DUSP10: variants seen among roughly 807,000 people sequenced by gnomAD.
DUSP10 encodes dual specificity protein phosphatase 10.
In DUSP10, 14 loss-of-function variants were observed where a neutral mutation model predicts 30.8. The ratio of observed to expected loss-of-function variants is 0.46; its 90% CI spans 0.30 to 0.71. The LOEUF (loss-of-function observed/expected upper bound fraction) is 0.71. Ranked by LOEUF, DUSP10 falls within the 30% of genes least tolerant of loss-of-function variation. DUSP10 has a pLI of 0.08. For synonymous variants in DUSP10, 254 were observed against 250.4 expected (o/e 1.01, Z -0.14); for missense variants, 550 against 619.4 (o/e 0.89, Z 1.19).
chr1:221,704,797 T>C (rs1519463), intron 3 of DUSP10, among the ~76,000 whole-genome samples: 58,123 of 151,946 alleles, frequency 0.38, 12,735 homozygotes, highest in South Asian at 0.56. Context: ...CCTTTCAGAC[T>C]CAATATTCCA....
rs12564488 is a variant in DUSP10, at chr1:221,730,998, G to A, written c.811+7936C>T. ...GATTACATCAATTTTAATATAAAATGTATATTTTTAAATCTTTTATAATGA... is the reference window on the plus strand; with the variant it reads ...GATTACATCAATTTTAATATAAAATATATATTTTTAAATCTTTTATAATGA... On this transcript the variant is annotated intron_variant, in intron 2 of 3. Transcript: ENST00000366899. 5.4e-4 allele frequency among the ~76,000 whole-genome samples: 82 copies of A among 152,110 alleles called. No individual in the cohort carries two copies. The East Asian group carries it at 0.014, about 26-fold the overall frequency.
intron 2 of DUSP10, among the ~76,000 whole-genome samples, chr1:221,725,149 C>T (rs1165707174): frequency 1.3e-5 from 2 of 152,124 alleles, no homozygotes; most frequent in East Asian, 3.9e-4. Flanking sequence ...AGCCACCGCC[C>T]AGCCAACAGC....
intron 2 of DUSP10, among the ~76,000 whole-genome samples, chr1:221,710,193 A>G (rs988573868): frequency 6.6e-6 from 1 of 152,192 alleles, no homozygotes; most frequent in Non-Finnish European, 1.5e-5. Flanking sequence ...TACCCCCAAT[A>G]TCATCACCTT....
At chr1:221,737,287 G>C in intron 2 of DUSP10, 1 of 985,366 alleles carries the variant, frequency 1.0e-6, no homozygotes, top group East Asian at 1.1e-4. Flanking sequence ...TGAGAAAAGA[G>C]GAGATCATCA....
intron 2 of DUSP10, among the ~76,000 whole-genome samples, chr1:221,728,935 T>C (rs1432628027): frequency 2.6e-5 from 4 of 152,136 alleles, no homozygotes; most frequent in Non-Finnish European, 5.9e-5. Context: ...AATTCTAAGG[T>C]TCCAGATATC....
rs1279735743 is a variant in DUSP10 at position 221,702,457 on chromosome 1, C to T, written c.1404G>A (p.Pro468=). The change falls in exon 4 of 4, where the codon CCG becomes CCA. Residue 468 remains proline (P), a synonymous_variant. Transcript: ENST00000366899. This position sits in a 1 kb window ranked among gnomAD's most constrained non-coding sequence, Gnocchi z 4.5. ...CCATCAGCTTTGGTGTAAGGATTCTCGGTGTCACACCGTTGTTTAGGTCTT... is the reference window on the plus strand; with the variant it reads ...CCATCAGCTTTGGTGTAAGGATTCTTGGTGTCACACCGTTGTTTAGGTCTT... ...FEEDLNNGVT[P]RILTPKLMGV... The T allele has an allele frequency of 4.3e-6, 7 of 1,614,006 alleles. No individual in the cohort carries two copies. The highest frequency in any genetic ancestry group is 1.7e-5 in the Admixed American group (1 of 59,996).
At chr1:221,714,697 C>T (rs1401645348) in intron 2 of DUSP10, among the ~76,000 whole-genome samples, 2 of 152,190 alleles carry the variant, frequency 1.3e-5, no homozygotes, top group Non-Finnish European at 2.9e-5. Context: ...GAAGTCACCT[C>T]TCTCTCACTA....
In DUSP10 at chr1:221,736,691, G is replaced by T. The variant is rs552314391; in HGVS notation, c.811+2243C>A. 3.9e-5 allele frequency among the ~76,000 whole-genome samples: 6 copies of T among 152,124 alleles called. No homozygotes were observed. In the East Asian group the frequency reaches 1.2e-3, roughly 29 times the overall value. ...TTCCTTTCCCTTCTTTTCCATCTTG[G>T]TCCCAATTTTAGGCCATTCTCCCAA... On this transcript the variant is annotated intron_variant, in intron 2 of 3. Transcript: ENST00000366899.
At chr1:221,709,586 C>G (rs1014913636) in intron 2 of DUSP10, among the ~76,000 whole-genome samples, 1 of 152,150 alleles carries the variant, frequency 6.6e-6, no homozygotes, top group African/African-American at 2.4e-5. Flanking sequence ...TGCTAATCAA[C>G]TTGGGCATCA....
Position 221,706,484 on chromosome 1 carries a change from A to C in DUSP10, c.812-18T>G. 1 of 1,462,166 alleles carries C rather than the reference A, an allele frequency of 6.8e-7. No individual in the cohort carries two copies. The highest frequency in any genetic ancestry group is 1.6e-5 in the South Asian group (1 of 63,556). The allele number at this position is 1,462,166 out of a possible 1,614,324, so 90.6% of individuals were successfully genotyped here. On this transcript the variant is annotated intron_variant, in intron 2 of 3. Transcript: ENST00000366899. The surrounding 1 kb of genome is among the most constrained non-coding windows in gnomAD (Gnocchi z 4.6). ...AAGTCCACCTAGAACACAAACACAG[A>C]AGGTGAGTGTGACTGAGATTTCAGA...
At position 221,739,278 on chromosome 1, in the gene DUSP10, G is replaced by A; in HGVS notation, c.467C>T (p.Ala156Val). ...SIKIIYPNDL[A>V]KKMTKCSKSH... ...CTTGCTGCATTTGGTCATCTTCTTT[G>A]CCAAGTCATTGGGGTAGATTATTTT... The change falls in exon 2 of 4, where the codon GCA becomes GTA. Residue 156 changes from alanine (A) to valine (V), a missense_variant. Transcript: ENST00000366899. The A allele has an allele frequency of 1.2e-6, 2 of 1,614,190 alleles. No homozygotes were observed.
At chr1:221,741,145 C>T (rs1661942836) in intron 1 of DUSP10, among the ~76,000 whole-genome samples, 1 of 152,228 alleles carries the variant, frequency 6.6e-6, no homozygotes, top group Admixed American at 6.5e-5. Flanking sequence ...GTCGGCAGAT[C>T]TCCAACGACT....
At chr1:221,726,556 G>C (rs1164715414) in intron 2 of DUSP10, among the ~76,000 whole-genome samples, 3 of 152,174 alleles carry the variant, frequency 2.0e-5, no homozygotes, top group Middle Eastern at 3.4e-3. Context: ...GGCCAGTCAG[G>C]GCGGGATTAG....
rs1660625576 is a variant in DUSP10 at position 221,702,202 on chromosome 1, T to A, written c.*210A>T. 8.8e-6 allele frequency: 5 copies of A among 565,850 alleles called. No homozygotes were observed. Among genetic ancestry groups the A allele is most frequent in the Non-Finnish European group, 1.5e-5 (5 of 327,002 alleles). 35.1% of individuals were successfully genotyped at this position (565,850 alleles called of 1,614,324 possible). A position where few individuals can be genotyped will look rare whatever the true frequency, so the allele number is the denominator to read the frequency against. ...AAAATTACTTCTTTAACCTCCTTAA[T>A]TTGTCAGTTTGTGGGAGGTGAATCT... On this transcript the variant is annotated 3_prime_UTR_variant, in exon 4 of 4. Transcript: ENST00000366899. This position sits in a 1 kb window ranked among gnomAD's most constrained non-coding sequence, Gnocchi z 4.5.
At chr1:221,728,307 A>G (rs1661484455) in intron 2 of DUSP10, among the ~76,000 whole-genome samples, 1 of 152,250 alleles carries the variant, frequency 6.6e-6, no homozygotes, top group Non-Finnish European at 1.5e-5. Flanking sequence ...CTGAGAGGAC[A>G]GTCACATACT....
intron 2 of DUSP10, among the ~76,000 whole-genome samples, chr1:221,712,759 G>C (rs1269965659): frequency 9.0e-6 from 1 of 110,508 alleles, no homozygotes; most frequent in Non-Finnish European, 1.7e-5. Context: ...AAAAGACAGT[G>C]GATGATATAT....
In DUSP10 at chr1:221,739,561, G is replaced by A. The variant is rs765978282; in HGVS notation, c.184C>T (p.Pro62Ser). ...SLKAANLTYM[P>S]SSSGSARSLN... ...GAGCGGGCAGAGCCGCTGGATGAGG[G>A]CATATACGTCAGATTCGCAGCCTTG... is the stretch of plus-strand genomic sequence containing the variant. The change falls in exon 2 of 4, where the codon CCC becomes TCC. Residue 62 changes from proline to serine, a missense_variant. Transcript: ENST00000366899. The A allele has an allele frequency of 6.2e-7, 1 of 1,614,196 alleles. No individual in the cohort carries two copies.
At chr1:221,718,682 T>C (rs561848619) in intron 2 of DUSP10, among the ~76,000 whole-genome samples, 19 of 152,328 alleles carry the variant, frequency 1.2e-4, no homozygotes, top group African/African-American at 4.6e-4. Flanking sequence ...AGTAAAGCTA[T>C]TCATTACACA....
At chr1:221,705,213 G>C (rs1315045527) in intron 3 of DUSP10, among the ~76,000 whole-genome samples, 2 of 151,444 alleles carry the variant, frequency 1.3e-5, no homozygotes, top group Non-Finnish European at 2.9e-5. Flanking sequence ...AGGCTCAAGC[G>C]ATTCTCCTGC....
Sources: allele counts gnomAD v4.1 joint callset (sites outside exome capture counted in the v4.1 genomes callset), GRCh38; gene constraint gnomAD v4.1.1; non-coding constraint Gnocchi (gnomAD v3.1); transcripts MANE v1.5; gene names NCBI Gene and HGNC (gene_info 2026-07-23, HGNC 2026-07-21).